Variants in RARB observed in about 807,000 individuals in gnomAD.
RARB encodes the protein retinoic acid receptor beta.
Under a neutral mutation model 51.9 loss-of-function variants are expected in RARB, and 17 were observed. The observed-to-expected ratio is 0.33, with a 90% CI of 0.22 to 0.49. The LOEUF is 0.49. Among genes scored for constraint, RARB ranks in the 20% least tolerant of loss-of-function variants. The pLI, the probability that RARB is intolerant of heterozygous loss-of-function variation, is 0.99. For synonymous variants in RARB, 215 were observed against 195.4 expected (o/e 1.10, Z -0.84); for missense variants, 369 against 550.8 (o/e 0.67, Z 3.30).
At chr3:25,341,397 G>A (rs1283682268) in intron 5 of RARB, among the ~76,000 whole-genome samples, 1 of 152,136 alleles carries the variant, frequency 6.6e-6, no homozygotes, top group Non-Finnish European at 1.5e-5. Context: ...AAAAGGTTGT[G>A]GAACTCATGG....
At position 25,265,733 on chromosome 3, in the gene RARB, A is replaced by C. The variant is rs944340383; in HGVS notation, c.178+91158A>C. 6.9e-4 allele frequency among the ~76,000 whole-genome samples: 105 copies of C among 152,116 alleles called. 1 individual carries two copies. The highest frequency in any genetic ancestry group is 1.9e-4 in the Non-Finnish European group (13 of 68,004). Reference sequence around the variant, plus strand: ...GTGATCCACACGCCTCCGCCTCCCAAAGTGCTAGGGTTACAGCCGTGAACC... The same window carrying C: ...GTGATCCACACGCCTCCGCCTCCCACAGTGCTAGGGTTACAGCCGTGAACC... On this transcript the variant is annotated intron_variant, in intron 5 of 11. Coordinates refer to the RARB transcript ENST00000383772.
chr3:25,529,028 T>C (rs1698781745), intron 3 of RARB, among the ~76,000 whole-genome samples: 1 of 151,976 alleles, frequency 6.6e-6, no homozygotes, highest in African/African-American at 2.4e-5. Context: ...TCAAAATTGT[T>C]CAATTGTTCA....
At chr3:25,079,704 ATTAC>A (rs1307632193) in intron 3 of RARB, among the ~76,000 whole-genome samples, 9 of 152,280 alleles carry the variant, frequency 5.9e-5, no homozygotes, top group Middle Eastern at 3.4e-3. Context: ...TAAAAAATAT[ATTAC>A]TTTTGTTTTA....
At chr3:24,840,988 G>A (rs902371097) in intron 1 of RARB, among the ~76,000 whole-genome samples, 1 of 152,128 alleles carries the variant, frequency 6.6e-6, no homozygotes, top group African/African-American at 2.4e-5. Flanking sequence ...ATGCAATGAG[G>A]GGTTTTGCAC....
chr3:24,944,651 C>T (rs1695736831), intron 2 of RARB, among the ~76,000 whole-genome samples: 1 of 152,096 alleles, frequency 6.6e-6, no homozygotes, highest in Non-Finnish European at 1.5e-5. Flanking sequence ...GTTGATTATC[C>T]TCAAATTTGG....
intron 3 of RARB, among the ~76,000 whole-genome samples, chr3:25,118,236 A>C (rs1699723601): frequency 6.6e-6 from 1 of 152,156 alleles, no homozygotes; most frequent in African/African-American, 2.4e-5. Context: ...CAGTTCCCCA[A>C]TATGGACCAG....
At chr3:25,233,240 C>T (rs536059252) in intron 5 of RARB, among the ~76,000 whole-genome samples, 86 of 152,028 alleles carry the variant, frequency 5.7e-4, no homozygotes, top group South Asian at 4.6e-3. Context: ...ATTACAGGTG[C>T]GAGCCACAGC....
chr3:25,196,533 G>A (rs1348589701), intron 5 of RARB, among the ~76,000 whole-genome samples: 4 of 152,044 alleles, frequency 2.6e-5, no homozygotes, highest in South Asian at 2.1e-4. Flanking sequence ...ATAAACATAC[G>A]TGGGCATGTG....
At chr3:25,593,743 T>A (rs778267472) in intron 6 of RARB, 36 bp downstream of exon 6, 2 of 1,587,478 alleles carry the variant, frequency 1.3e-6, no homozygotes, top group African/African-American at 2.7e-5. Flanking sequence ...TGAAATTCCA[T>A]GAAGAACAGT....
intron 4 of RARB, among the ~76,000 whole-genome samples, chr3:25,570,578 G>GA (rs2125287684): frequency 6.6e-6 from 1 of 152,318 alleles, no homozygotes; most frequent in South Asian, 2.1e-4. Flanking sequence ...AGAGAGGCAG[G>GA]AAAAAGAGAA....
chr3:24,912,782 G>C (rs1444300531), intron 2 of RARB, among the ~76,000 whole-genome samples: 1 of 151,948 alleles, frequency 6.6e-6, no homozygotes, highest in East Asian at 1.9e-4. Context: ...TAGAAAAGGA[G>C]GTTAGAAAGA....
chr3:25,033,427 A>C lies in RARB; in HGVS notation c.-379-26698A>C, dbSNP rs76677121. ...AATGTGGGAGAGATGGTGAATCAGA[A>C]GTTATTAACCAGAAAATCTGAGAAA... On this transcript the variant is annotated intron_variant, in intron 2 of 11. Coordinates refer to the RARB transcript ENST00000383772. Among the ~76,000 whole-genome samples, 1,498 of 152,336 alleles carry C rather than the reference A, an allele frequency of 9.8e-3. 21 individuals carry two copies. The highest frequency in any genetic ancestry group is 0.035 in the African/African-American group (1,435 of 41,584).
chr3:24,909,889 A>G (rs1344650255), intron 2 of RARB, among the ~76,000 whole-genome samples: 1 of 152,026 alleles, frequency 6.6e-6, no homozygotes, highest in African/African-American at 2.4e-5. Context: ...GCCAAGTAAC[A>G]TGTCTCTGTG....
chr3:24,882,779 G>A (rs1262221749), intron 2 of RARB, among the ~76,000 whole-genome samples: 1 of 152,106 alleles, frequency 6.6e-6, no homozygotes, highest in Non-Finnish European at 1.5e-5. Context: ...ATTTTGTCCA[G>A]GAATGCCACT....
At chr3:25,133,963 T>TAAAA (rs548061331) in intron 4 of RARB, among the ~76,000 whole-genome samples, 84 of 127,586 alleles carry the variant, frequency 6.6e-4, no homozygotes, top group South Asian at 1.3e-3. Context: ...CTGTTTTCAT[T>TAAAA]AAAAAAAAAA....
chr3:25,343,466 T>TTA (rs1306590743), intron 5 of RARB, among the ~76,000 whole-genome samples: 1 of 151,942 alleles, frequency 6.6e-6, no homozygotes, highest in Non-Finnish European at 1.5e-5. Flanking sequence ...CTTTTTTTTT[T>TTA]ACAAGCAGTA....
chr3:25,242,105 C>T (rs1359721636), intron 5 of RARB, among the ~76,000 whole-genome samples: 1 of 152,156 alleles, frequency 6.6e-6, no homozygotes, highest in African/African-American at 2.4e-5. Flanking sequence ...ACATAAATGT[C>T]TTCTTTTCAA....
At position 24,881,516 on chromosome 3, in the gene RARB, T is replaced by A. The variant is rs147581865; in HGVS notation, c.-380+22764T>A. Among the ~76,000 whole-genome samples, 434 of 152,304 alleles carry A rather than the reference T, an allele frequency of 2.8e-3. 2 individuals are homozygous for A. The highest frequency in any genetic ancestry group is 1.0e-2 in the African/African-American group (414 of 41,568). ...ATTGAGTACTTAGTAAATTGATTTG[T>A]TTGCATATTACGACATTTCAAATCT... On this transcript the variant is annotated intron_variant, in intron 2 of 11. Transcript: ENST00000383772.
At chr3:24,905,322 G>A (rs1344350509) in intron 2 of RARB, among the ~76,000 whole-genome samples, 1 of 152,164 alleles carries the variant, frequency 6.6e-6, no homozygotes, top group Non-Finnish European at 1.5e-5. Context: ...CCAATTCTAT[G>A]TCTTCTTGTT....
Sources: allele counts gnomAD v4.1 joint callset (sites outside exome capture counted in the v4.1 genomes callset), GRCh38; gene constraint gnomAD v4.1.1; transcripts MANE v1.5; gene names NCBI Gene and HGNC (gene_info 2026-07-23, HGNC 2026-07-21).